DDX31: variants seen among roughly 807,000 people sequenced by gnomAD.
DDX31 encodes DEAD-box helicase 31.
A neutral mutation model predicts 91.3 loss-of-function variants in DDX31; 70 were observed. The ratio of observed to expected loss-of-function variants is 0.77; its 90% CI spans 0.63 to 0.94. DDX31 has a LOEUF of 0.94. DDX31 is among the 40% of genes least tolerant of loss of function. The probability of loss-of-function intolerance (pLI) is 0.00; values close to 1 mark genes in which losing one functional copy is unlikely to be tolerated. For synonymous variants in DDX31, 362 were observed against 350.6 expected, an observed-to-expected ratio of 1.03 and a Z score of -0.36; for missense variants, 902 against 925.0, an observed-to-expected ratio of 0.98 and a Z score of 0.32.
At chr9:132,650,162 G>T (rs1834092860) in intron 9 of DDX31, 72 bp downstream of exon 9, 1 of 1,448,426 alleles carries the variant, frequency 6.9e-7, no homozygotes, top group Non-Finnish European at 9.7e-7. Context: ...GGTTTAGAAG[G>T]ACCCAGCCTT....
chr9:132,646,950 C>G lies in DDX31; in HGVS notation c.1076G>C (p.Cys359Ser). Reference protein sequence around the residue: ...NPKDKAVQEVCPPPAGDKLDS... With the variant: ...NPKDKAVQEVSPPPAGDKLDS... The stretch of plus-strand genomic sequence containing the variant: ...CAGCTTGTCGCCAGCTGGTGGAGGA[C>G]AGACCTCCTGGACCGCTTTGTCCTT... The change falls in exon 12 of 20, where the codon TGT becomes TCT. Residue 359 changes from cysteine (C) to serine (S), a missense_variant. Cys to Ser is a moderately radical substitution (Grantham distance 112). Coordinates refer to ENST00000372159, the MANE Select transcript of DDX31 (RefSeq NM_022779.9). The G allele has an allele frequency of 6.2e-7, 1 of 1,614,222 alleles. No homozygotes were observed. The highest frequency in any genetic ancestry group is 8.5e-7 in the Non-Finnish European group (1 of 1,180,036).
intron 6 of DDX31, chr9:132,658,088 G>A (rs1485310584): frequency 3.7e-6 from 2 of 535,338 alleles, no homozygotes; most frequent in African/African-American, 1.9e-5. Context: ...ATGGATAGCT[G>A]CAAAACCAAA....
intron 17 of DDX31, among the ~76,000 whole-genome samples, chr9:132,619,902 AAT>A (rs1296317853): frequency 6.7e-6 from 1 of 149,964 alleles, no homozygotes; most frequent in Non-Finnish European, 1.5e-5. Flanking sequence ...TTTTAATATG[AAT>A]GTGAAATTAG....
chr9:132,650,081 G>A (rs114825953), intron 9 of DDX31, among the ~76,000 whole-genome samples, 153 bp downstream of exon 9: 2,541 of 152,222 alleles, frequency 0.017, 77 homozygotes, highest in African/African-American at 0.058. Context: ...AGAGGTGACC[G>A]CTCCCCACTG....
chr9:132,663,331 A>C, intron 1 of DDX31: 1 of 1,288,392 alleles, frequency 7.8e-7, no homozygotes, highest in South Asian at 1.2e-5. Context: ...CCAAATGAGA[A>C]TGCTGCTCCA....
At position 132,625,663 on chromosome 9, in the gene DDX31, C is replaced by T. The variant is rs1238576741; in HGVS notation, c.1713+1G>A. ...CGAGCACAATAAATAACAAAACTCA[C>T]CTGGGCTCCCCATCGTTTCCCTTTA... On this transcript the variant is annotated splice_donor_variant, in intron 17 of 19. Coordinates refer to ENST00000372159, the MANE Select transcript of DDX31 (RefSeq NM_022779.9). LOFTEE classifies it high-confidence loss of function. The T allele has an allele frequency of 1.9e-6, 3 of 1,613,254 alleles. No homozygotes were observed. Among genetic ancestry groups the T allele is most frequent in the Admixed American group, 3.3e-5 (2 of 59,964 alleles).
chr9:132,615,511 T>C (rs1412995208), intron 18 of DDX31, among the ~76,000 whole-genome samples: 1 of 152,244 alleles, frequency 6.6e-6, no homozygotes, highest in Non-Finnish European at 1.5e-5. Context: ...GTGCCCAGCC[T>C]AGCTCTGACC....
intron 19 of DDX31, among the ~76,000 whole-genome samples, chr9:132,606,073 G>A (rs900672267): frequency 1.3e-5 from 2 of 152,190 alleles, no homozygotes; most frequent in African/African-American, 4.8e-5. Context: ...AGTGTTGGAT[G>A]CGGCTGAGAT....
At chr9:132,668,012 T>TAG (rs754403383) in intron 1 of DDX31, among the ~76,000 whole-genome samples, 22 of 152,188 alleles carry the variant, frequency 1.4e-4, no homozygotes, top group Non-Finnish European at 2.8e-4. Context: ...GTCACAGAGC[T>TAG]AGTGTGCAGC....
At chr9:132,622,802 C>A (rs1832125551) in intron 17 of DDX31, among the ~76,000 whole-genome samples, 1 of 152,192 alleles carries the variant, frequency 6.6e-6, no homozygotes, top group Non-Finnish European at 1.5e-5. Flanking sequence ...ACTTGTATGA[C>A]TACAAATAAT....
At chr9:132,628,595 A>G (rs1311796819) in intron 16 of DDX31, among the ~76,000 whole-genome samples, 1 of 152,226 alleles carries the variant, frequency 6.6e-6, no homozygotes, top group African/African-American at 2.4e-5. Flanking sequence ...AGAAAAATGA[A>G]GAGAGCAGAG....
rs568569904 is a variant in DDX31 at position 132,647,051 on chromosome 9, C to G, written c.975G>C (p.Thr325=). ...CATGCAAACTGATATCAGCTAGCCG[C>G]GTTACACCTTGGATAAAAGTAAGAA... ...LLSATLTEGV[T]RLADISLHDP... The change falls in exon 12 of 20, where the codon ACG becomes ACC. Residue 325 remains threonine (T), a synonymous_variant. Coordinates refer to ENST00000372159, the MANE Select transcript of DDX31 (RefSeq NM_022779.9). 1.3e-5 allele frequency: 21 copies of G among 1,608,794 alleles called. No individual in the cohort carries two copies. The South Asian group carries it at 2.2e-4, about 17-fold the overall frequency.
At chr9:132,596,599 G>A (rs376169613) in intron 19 of DDX31, among the ~76,000 whole-genome samples, 8 of 152,156 alleles carry the variant, frequency 5.3e-5, no homozygotes, top group Non-Finnish European at 1.0e-4. Context: ...AGGTGGGTAC[G>A]GTTATTATCC....
chr9:132,652,721 A>C (rs1170275208), intron 6 of DDX31, among the ~76,000 whole-genome samples: 1 of 152,104 alleles, frequency 6.6e-6, no homozygotes, highest in African/African-American at 2.4e-5. Context: ...GCAGGGGGGC[A>C]GGAGTGAGGT....
At position 132,609,981 on chromosome 9, in the gene DDX31, C is replaced by G. The variant is rs541876412; in HGVS notation, c.1994+2106G>C. 7.9e-5 allele frequency among the ~76,000 whole-genome samples: 12 copies of G among 152,308 alleles called. No individual in the cohort carries two copies. In the South Asian group the frequency reaches 2.3e-3, roughly 29 times the overall value. On this transcript the variant is annotated intron_variant, in intron 19 of 19. Transcript: ENST00000372159. ...CTCTTCCTCTGCTCTCAAAGTGTCA[C>G]CATTGCCGAGATGGTAACAAAATGA...
At chr9:132,632,254 A>ACACACACACACACACACACAGTCCTG (rs1832810189) in intron 14 of DDX31, among the ~76,000 whole-genome samples, 163 bp from the exon 15 acceptor site, 1 of 99,082 alleles carries the variant, frequency 1.0e-5, no homozygotes, top group Admixed American at 9.8e-5. Flanking sequence ...ACACACACAC[A>ACACACACACACACACACACAGTCCTG]CACACACACA....
At chr9:132,663,348 A>C in intron 1 of DDX31, 1 of 1,282,408 alleles carries the variant, frequency 7.8e-7, no homozygotes, top group Non-Finnish European at 1.0e-6. Flanking sequence ...TCCATCCATC[A>C]CCTCTACCAC....
At chr9:132,598,482 C>T (rs1489036489) in intron 19 of DDX31, among the ~76,000 whole-genome samples, 6 of 152,100 alleles carry the variant, frequency 3.9e-5, no homozygotes, top group African/African-American at 1.4e-4. Context: ...GCTGAATAAA[C>T]CCCCCCTCAG....
In DDX31 at chr9:132,648,309, A is replaced by T. The variant is rs751080896; in HGVS notation, c.861-14T>A. 6.2e-7 allele frequency: 1 copy of T among 1,604,280 alleles called. No homozygotes were observed. The highest frequency in any genetic ancestry group is 8.5e-7 in the Non-Finnish European group (1 of 1,177,328). On this transcript the variant is annotated splice_polypyrimidine_tract_variant and intron_variant, in intron 10 of 19. Coordinates refer to ENST00000372159, the MANE Select transcript of DDX31 (RefSeq NM_022779.9). ...AAATCCAAGATTCTGTGATTGTAAA[A>T]AAAAAAAGAAATTTTCAACTATATG... is the stretch of plus-strand genomic sequence containing the variant.
Sources: gnomAD v4.1 joint callset for allele counts (sites outside exome capture counted in the v4.1 genomes callset) on GRCh38, gnomAD v4.1.1 for gene constraint, MANE v1.5 for transcripts, NCBI Gene and HGNC (gene_info 2026-07-23, HGNC 2026-07-21) for gene names.